Variants in ZNF106 observed in about 807,000 individuals in gnomAD.
ZNF106 encodes the protein SH3-domain binding protein 3.
In ZNF106, 67 loss-of-function variants were observed where a neutral mutation model predicts 195.1. That is an observed-to-expected ratio of 0.34 (90% confidence interval 0.28 to 0.42). The LOEUF is 0.42. ZNF106 is among the 10% of genes least tolerant of loss of function. The pLI is 1.00. For missense variants in ZNF106, 2,118 were observed against 2,304.5 expected (o/e 0.92, Z 1.66); for synonymous variants, 784 against 818.6 (o/e 0.96, Z 0.72).
chr15:42,432,466 A>G (rs535273713), intron 14 of ZNF106, among the ~76,000 whole-genome samples: 2 of 152,306 alleles, frequency 1.3e-5, no homozygotes, highest in East Asian at 3.9e-4. Context: ...CGTGTCTTAA[A>G]GTCTGCTTGC....
chr15:42,423,998 G>C lies in ZNF106; in HGVS notation c.5253C>G (p.His1751Gln), dbSNP rs1176904706. 2 of 1,609,042 alleles carry C rather than the reference G, an allele frequency of 1.2e-6. No homozygotes were observed. The highest frequency in any genetic ancestry group is 1.7e-6 in the Non-Finnish European group (2 of 1,178,498). The change falls in exon 17 of 22, where the codon CAC becomes CAG. Residue 1751 changes from histidine to glutamine, a missense_variant and splice_region_variant. By Grantham distance (24) the His-to-Gln change is conservative (BLOSUM62 0). Coordinates refer to ENST00000564754, the MANE Select transcript of ZNF106 (RefSeq NM_001366845.3). ...SDQSVHAHNI[H>Q]TGELVRIYKG... ...TTTACACAACACCAACACAGCTTAC[G>C]TGAATGTTGTGAGCATGGACTGACT...
In ZNF106 at chr15:42,448,305, T is replaced by C. The variant is rs776076629; in HGVS notation, c.2902A>G (p.Ile968Val). 1.1e-5 allele frequency: 18 copies of C among 1,614,098 alleles called. No individual in the cohort carries two copies. In the African/African-American group the frequency reaches 2.3e-4, roughly 20 times the overall value. The change falls in exon 6 of 22, where the codon ATA becomes GTA. Residue 968 changes from isoleucine to valine, a missense_variant. By Grantham distance (29) the Ile-to-Val change is conservative. Coordinates refer to ENST00000564754, the MANE Select transcript of ZNF106 (RefSeq NM_001366845.3). The part of the protein sequence containing the change: ...RHSAQLSSDH[I>V]IPLMHLAKDL... ...TTTGCCAAATGCATCAAAGGTATTA[T>C]ATGGTCAGAGGATAATTGTGCACTA...
chr15:42,448,463 A>G lies in ZNF106; in HGVS notation c.2744T>C (p.Val915Ala). ...AGCCCTCAATGAGTTACTAGGTGAAACCATCTGCTGGGGCTCATTTTCTTT... is the reference window on the plus strand; with the variant it reads ...AGCCCTCAATGAGTTACTAGGTGAAGCCATCTGCTGGGGCTCATTTTCTTT... Reference protein sequence around the residue: ...TGKENEPQQMVSPSNSLRAGQ... With the variant: ...TGKENEPQQMASPSNSLRAGQ... The change falls in exon 6 of 22, where the codon GTT (valine) becomes GCT (alanine). Residue 915 changes from valine to alanine, a missense_variant. Physicochemically the swap from Val to Ala is moderately conservative, Grantham distance 64 (BLOSUM62 0). Coordinates refer to ENST00000564754, the MANE Select transcript of ZNF106 (RefSeq NM_001366845.3). 6.2e-7 allele frequency: 1 copy of G among 1,613,936 alleles called. No homozygotes were observed.
In ZNF106 at chr15:42,451,487, C is replaced by T. The variant is rs370436294; in HGVS notation, c.785G>A (p.Gly262Asp). The change falls in exon 5 of 22, where the codon GGC becomes GAC. Residue 262 changes from glycine to aspartate, a missense_variant. Physicochemically the swap from Gly to Asp is moderately conservative, Grantham distance 94. Coordinates refer to ENST00000564754, the MANE Select transcript of ZNF106 (RefSeq NM_001366845.3). The stretch of plus-strand genomic sequence containing the variant: ...GCCTGGTTGAAATTTGTCTCCAGGG[C>T]CACTGTAATTCCAATTATTTGTACT... ...VRSTNNWNYSGPGDKFQPGRN... is the reference protein window; with the variant it reads ...VRSTNNWNYSDPGDKFQPGRN... The T allele has an allele frequency of 6.8e-6, 11 of 1,614,192 alleles. No homozygotes were observed. Among genetic ancestry groups the T allele is most frequent in the Non-Finnish European group, 9.3e-6 (11 of 1,180,030 alleles).
At chr15:42,420,943 G>T in intron 20 of ZNF106, 118 bp downstream of exon 20, 2 of 899,436 alleles carry the variant, frequency 2.2e-6, no homozygotes, top group Non-Finnish European at 3.6e-6. Flanking sequence ...ACAGTGTAAG[G>T]CATAAAGTAG....
chr15:42,475,338 A>G (rs1349543748), intron 1 of ZNF106, among the ~76,000 whole-genome samples: 1 of 152,198 alleles, frequency 6.6e-6, no homozygotes. Flanking sequence ...GCTACTCGGG[A>G]GGCTGAGGCA....
At position 42,451,251 on chromosome 15, in the gene ZNF106, G is replaced by C. The variant is rs867602449; in HGVS notation, c.1021C>G (p.Gln341Glu). 6.2e-7 allele frequency: 1 copy of C among 1,614,028 alleles called. No homozygotes were observed. Residue 341 changes from glutamine to glutamate, a missense_variant, in exon 5 of 22, where the codon CAG becomes GAG. Gln to Glu is a conservative substitution (Grantham distance 29). Coordinates refer to ENST00000564754, the MANE Select transcript of ZNF106 (RefSeq NM_001366845.3). ...SEGLLDFNFE[Q>E]LESQTTKQAD... ...TGTTTAGTGGTTTGGCTTTCCAGCT[G>C]CTCAAAATTGAAGTCGAGTAAGCCT... is the stretch of plus-strand genomic sequence containing the variant.
intron 3 of ZNF106, among the ~76,000 whole-genome samples, chr15:42,458,601 G>C (rs1264517523): frequency 6.6e-6 from 1 of 151,692 alleles, no homozygotes; most frequent in African/African-American, 2.4e-5. Context: ...CCAGCTATTC[G>C]GGAGGCTGAG....
intron 1 of ZNF106, among the ~76,000 whole-genome samples, chr15:42,481,052 T>C (rs1158518575): frequency 6.6e-6 from 1 of 152,108 alleles, no homozygotes; most frequent in Non-Finnish European, 1.5e-5. Context: ...CCATTTACCC[T>C]CACCCATCAT....
intron 1 of ZNF106, among the ~76,000 whole-genome samples, chr15:42,480,380 T>C (rs957282820): frequency 6.6e-6 from 1 of 152,232 alleles, no homozygotes; most frequent in African/African-American, 2.4e-5. Flanking sequence ...CTAGGCTTCT[T>C]ATGCTACTTT....
chr15:42,434,218 G>A (rs774418463), intron 14 of ZNF106, among the ~76,000 whole-genome samples: 14 of 152,130 alleles, frequency 9.2e-5, no homozygotes, highest in Non-Finnish European at 1.9e-4. Flanking sequence ...TGCATGTGGT[G>A]GCTCACGCCT....
Position 42,454,733 on chromosome 15 carries a change from T to TA in ZNF106, c.317+2224dup, listed in dbSNP as rs572101867. ...ACCCCATCTCTACCAAAAATAAAAA[T>TA]AAAAAAAAAAAAATTAGCCACGCAT... On this transcript the variant is annotated intron_variant, in intron 4 of 21. Transcript: ENST00000564754. Among the ~76,000 whole-genome samples, 1,372 of 140,046 alleles carry TA rather than the reference T, an allele frequency of 9.8e-3. 19 individuals are homozygous for TA. The highest frequency in any genetic ancestry group is 0.031 in the African/African-American group (1,184 of 38,264). The allele number at this position is 140,046 out of a possible 152,430, so 91.9% of individuals were successfully genotyped here.
At chr15:42,438,900 C>T in intron 11 of ZNF106, 133 bp downstream of exon 11, 1 of 1,077,776 alleles carries the variant, frequency 9.3e-7, no homozygotes, top group Non-Finnish European at 1.3e-6. Context: ...TTTAATTTTT[C>T]CATATCCACA....
intron 3 of ZNF106, 53 bp from the exon 4 acceptor site, chr15:42,457,211 A>C (rs755465100): frequency 1.2e-6 from 2 of 1,613,644 alleles, no homozygotes; most frequent in Non-Finnish European, 1.7e-6. Context: ...GGCATGGCAC[A>C]CTCACCAGAT....
chr15:42,430,927 G>T (rs2055027530), intron 14 of ZNF106, among the ~76,000 whole-genome samples: 1 of 151,964 alleles, frequency 6.6e-6, no homozygotes, highest in Non-Finnish European at 1.5e-5. Flanking sequence ...TTACAGGCAT[G>T]AGCCACTGTG....
At chr15:42,470,813 T>C (rs1432845138) in intron 2 of ZNF106, among the ~76,000 whole-genome samples, 2 of 152,236 alleles carry the variant, frequency 1.3e-5, no homozygotes, top group Non-Finnish European at 2.9e-5. Context: ...TAAGGAATTC[T>C]GACTTATTGA....
chr15:42,479,180 C>T (rs2056847954), intron 1 of ZNF106, among the ~76,000 whole-genome samples: 1 of 151,990 alleles, frequency 6.6e-6, no homozygotes, highest in East Asian at 1.9e-4. Flanking sequence ...TCAAGACCAG[C>T]CTGGCCAACA....
rs924498145 is a variant in ZNF106 at position 42,451,408 on chromosome 15, C to A, written c.864G>T (p.Lys288Asn). 7.4e-6 allele frequency: 12 copies of A among 1,614,204 alleles called. No homozygotes were observed. The East Asian group carries it at 2.7e-4, about 36-fold the overall frequency. ...TGTATTTGTTTGACTTATTAGATTT[C>A]TTGTTCCATAGCATAGTCATGTCTT... is the stretch of plus-strand genomic sequence containing the variant. ...QMEDMTMLWN[K>N]KSNKSNKYSH... The change falls in exon 5 of 22, where the codon AAG becomes AAT. Residue 288 changes from lysine to asparagine, a missense_variant. Coordinates refer to ENST00000564754, the MANE Select transcript of ZNF106 (RefSeq NM_001366845.3).
intron 13 of ZNF106, among the ~76,000 whole-genome samples, chr15:42,436,995 A>G (rs932269923): frequency 5.9e-5 from 9 of 152,224 alleles, no homozygotes; most frequent in African/African-American, 2.2e-4. Context: ...CCCTGTAAGC[A>G]GGAGGGGAAC....
Sources: allele counts gnomAD v4.1 joint callset (sites outside exome capture counted in the v4.1 genomes callset), GRCh38; gene constraint gnomAD v4.1.1; transcripts MANE v1.5; gene names NCBI Gene and HGNC (gene_info 2026-07-23, HGNC 2026-07-21).